The following ZNF503 variants were observed in gnomAD, a reference collection of about 807,000 sequenced individuals.
The protein encoded by ZNF503 is NocA-like zinc finger 2.
ZNF503 carries 15 observed loss-of-function variants against 34.4 expected under a neutral mutation model. That is an observed-to-expected ratio of 0.44 (90% CI 0.29 to 0.67). The LOEUF is 0.67. ZNF503 is among the 30% of genes least tolerant of loss of function. The pLI is 0.13. For missense variants in ZNF503, 1,007 were observed against 926.8 expected, an observed-to-expected ratio of 1.09 and a Z score of -1.12; for synonymous variants, 580 against 456.8, an observed-to-expected ratio of 1.27 and a Z score of -3.44.
At chr10:75,366,096 C>T in the ZNF503 span, among the ~76,000 whole-genome samples, 83,121 of 152,094 alleles carry the variant, frequency 0.55, 23,247 homozygotes, top group South Asian at 0.64. Flanking sequence ...TGTGTCACTA[C>T]ATAGTTATCT....
downstream of ZNF503, among the ~76,000 whole-genome samples, chr10:75,395,445 C>T (rs981588075): frequency 2.0e-5 from 3 of 152,092 alleles, no homozygotes; most frequent in Non-Finnish European, 2.9e-5. The surrounding 1 kb of genome is among the most constrained non-coding windows in gnomAD (Gnocchi z 4.4). Context: ...GCGCGCTGGC[C>T]GGGGTTCCAG....
chr10:75,347,455 G>A, the ZNF503 span, among the ~76,000 whole-genome samples: 1 of 152,220 alleles, frequency 6.6e-6, no homozygotes, highest in African/African-American at 2.4e-5. Flanking sequence ...GGAGGGGCTG[G>A]CAGCAGAACT....
the ZNF503 span, among the ~76,000 whole-genome samples, chr10:75,284,851 A>G: frequency 6.6e-6 from 1 of 152,244 alleles, no homozygotes; most frequent in African/African-American, 2.4e-5. Flanking sequence ...AGAGAATGCA[A>G]TTAAAGCAAG....
At chr10:75,361,507 A>G in the ZNF503 span, 2 of 151,700 alleles carry the variant, frequency 1.3e-5, no homozygotes, top group Admixed American at 6.6e-5. Flanking sequence ...TGCATTTTTT[A>G]TCTTAAGGGG....
chr10:75,355,453 A>G, the ZNF503 span, among the ~76,000 whole-genome samples: 8 of 152,156 alleles, frequency 5.3e-5, no homozygotes, highest in Non-Finnish European at 1.2e-4. Flanking sequence ...CCCTGTCTGA[A>G]GCCTGTTCTC....
rs374261274 is a variant in ZNF503 at position 75,399,843 on chromosome 10, G to C, written c.847C>G (p.Arg283Gly). The C allele has an allele frequency of 2.5e-6, 4 of 1,604,018 alleles. No homozygotes were observed. The highest frequency in any genetic ancestry group is 3.4e-6 in the Non-Finnish European group (4 of 1,176,760). The change falls in exon 2 of 2, where the codon CGG becomes GGG. Residue 283 changes from arginine (R) to glycine (G), a missense_variant. By Grantham distance (125) the Arg-to-Gly change is moderately radical. Transcript: ENST00000372524. ...EGGPTGLAHG[R>G]ISCGGGINVD... ...TTAATCCCGCCGCCGCAGCTAATCC[G>C]GCCGTGTGCCAGCCCCGTGGGTCCC...
downstream of ZNF503, among the ~76,000 whole-genome samples, chr10:75,396,723 AC>A (rs1244995192): frequency 6.6e-6 from 1 of 152,018 alleles, no homozygotes; most frequent in Non-Finnish European, 1.5e-5. This position sits in a 1 kb window ranked among gnomAD's most constrained non-coding sequence, Gnocchi z 4.4. Flanking sequence ...CTGTGACTCC[AC>A]GGTCCCGGAA....
chr10:75,365,248 A>G, the ZNF503 span, among the ~76,000 whole-genome samples: 1 of 152,182 alleles, frequency 6.6e-6, no homozygotes, highest in Non-Finnish European at 1.5e-5. Flanking sequence ...TCCCGAGTTC[A>G]AGCAATTCTC....
chr10:75,374,839 T>G, the ZNF503 span, among the ~76,000 whole-genome samples: 1 of 152,136 alleles, frequency 6.6e-6, no homozygotes, highest in East Asian at 1.9e-4. Flanking sequence ...AATCCACTAG[T>G]GAAACCAGGG....
chr10:75,285,566 T>G, the ZNF503 span, among the ~76,000 whole-genome samples: 1 of 152,254 alleles, frequency 6.6e-6, no homozygotes, highest in Non-Finnish European at 1.5e-5. Flanking sequence ...TCTGGAATCC[T>G]TCCTCAACTG....
chr10:75,333,203 C>G, the ZNF503 span, among the ~76,000 whole-genome samples: 1 of 121,460 alleles, frequency 8.2e-6, no homozygotes. Flanking sequence ...CCCTCACCTC[C>G]CGGACGGGGC....
At chr10:75,353,974 A>C in the ZNF503 span, among the ~76,000 whole-genome samples, 2 of 152,222 alleles carry the variant, frequency 1.3e-5, no homozygotes, top group African/African-American at 4.8e-5. Context: ...ACTTGCTGAA[A>C]GTGGGGTAGG....
chr10:75,336,881 G>A, the ZNF503 span, among the ~76,000 whole-genome samples: 2 of 152,174 alleles, frequency 1.3e-5, no homozygotes, highest in African/African-American at 2.4e-5. Context: ...CAGCAACAGA[G>A]AATTCCCATG....
chr10:75,371,686 G>A, the ZNF503 span, among the ~76,000 whole-genome samples: 1 of 152,212 alleles, frequency 6.6e-6, no homozygotes, highest in Non-Finnish European at 1.5e-5. Context: ...TGCTGCACGT[G>A]GGGGTGAAGT....
chr10:75,330,194 G>A, the ZNF503 span, among the ~76,000 whole-genome samples: 2 of 152,258 alleles, frequency 1.3e-5, no homozygotes, highest in South Asian at 4.1e-4. Flanking sequence ...TTGCATCCAG[G>A]GGTTGCATGG....
At chr10:75,291,016 C>G in the ZNF503 span, among the ~76,000 whole-genome samples, 1 of 152,174 alleles carries the variant, frequency 6.6e-6, no homozygotes, top group Non-Finnish European at 1.5e-5. Flanking sequence ...GATTTTGCCT[C>G]TGATGAATGA....
the ZNF503 span, among the ~76,000 whole-genome samples, chr10:75,386,631 T>A: frequency 6.6e-6 from 1 of 152,204 alleles, no homozygotes; most frequent in Admixed American, 6.5e-5. Context: ...TTGGTTTCTT[T>A]ATATCCAGTC....
chr10:75,353,128 T>C, the ZNF503 span, among the ~76,000 whole-genome samples: 50 of 152,200 alleles, frequency 3.3e-4, no homozygotes, highest in Non-Finnish European at 6.0e-4. Flanking sequence ...TATAAGTTAA[T>C]GAAAGAGAAA....
At chr10:75,387,010 T>C in the ZNF503 span, among the ~76,000 whole-genome samples, 1 of 152,238 alleles carries the variant, frequency 6.6e-6, no homozygotes, top group Non-Finnish European at 1.5e-5. Context: ...TCCCATTGCC[T>C]CCACGCCTAA....
Sources: gnomAD v4.1 joint callset for allele counts (sites outside exome capture counted in the v4.1 genomes callset) on GRCh38, gnomAD v4.1.1 for gene constraint, Gnocchi (gnomAD v3.1) non-coding constraint, MANE v1.5 for transcripts, NCBI Gene and HGNC (gene_info 2026-07-23, HGNC 2026-07-21) for gene names.